Variants in GRID1 observed in about 807,000 individuals in gnomAD.
GRID1 encodes the protein glutamate receptor ionotropic, delta-1.
A neutral mutation model predicts 98.0 loss-of-function variants in GRID1; 28 were observed. That is an observed-to-expected ratio of 0.29 (90% CI 0.21 to 0.39). GRID1 has a LOEUF of 0.39. Ranked by LOEUF, GRID1 falls within the 10% of genes least tolerant of loss-of-function variation. The pLI, the probability that GRID1 is intolerant of heterozygous loss-of-function variation, is 1.00. For missense variants in GRID1, 1,111 were observed against 1,340.5 expected (o/e 0.83, Z 2.67); for synonymous variants, 553 against 538.5 (o/e 1.03, Z -0.37).
intron 4 of GRID1, among the ~76,000 whole-genome samples, chr10:86,032,314 A>G (rs1485742565): frequency 6.6e-6 from 1 of 152,190 alleles, no homozygotes; most frequent in African/African-American, 2.4e-5. Flanking sequence ...CTGCCACCCC[A>G]TCTGGGAGGT....
chr10:85,874,724 T>C (rs1452333671), intron 5 of GRID1, among the ~76,000 whole-genome samples: 2 of 152,254 alleles, frequency 1.3e-5, no homozygotes, highest in Admixed American at 6.5e-5. Flanking sequence ...GGTCAGTTTG[T>C]ACTACATGAA....
At chr10:86,280,603 C>G (rs953589255) in intron 2 of GRID1, among the ~76,000 whole-genome samples, 2 of 152,188 alleles carry the variant, frequency 1.3e-5, no homozygotes, top group East Asian at 3.8e-4. Context: ...CTCCTCCCTT[C>G]ATTTATTTTA....
At chr10:85,963,322 A>G (rs905028979) in intron 4 of GRID1, among the ~76,000 whole-genome samples, 3 of 152,088 alleles carry the variant, frequency 2.0e-5, no homozygotes, top group African/African-American at 7.2e-5. Flanking sequence ...CTCCACTGCC[A>G]CTACCTTACT....
intron 10 of GRID1, among the ~76,000 whole-genome samples, chr10:85,727,354 T>C (rs1841771545): frequency 6.6e-6 from 1 of 152,170 alleles, no homozygotes; most frequent in African/African-American, 2.4e-5. Context: ...GCCACGAGTT[T>C]CAATGAAGAT....
chr10:85,644,483 G>A (rs944130940), intron 13 of GRID1, among the ~76,000 whole-genome samples: 41 of 152,108 alleles, frequency 2.7e-4, no homozygotes, highest in African/African-American at 9.7e-4. Context: ...CCTTCTATTA[G>A]TTGACCCGTA....
intron 12 of GRID1, among the ~76,000 whole-genome samples, chr10:85,654,184 G>A (rs1840866706): frequency 6.6e-6 from 1 of 152,184 alleles, no homozygotes; most frequent in South Asian, 2.1e-4. Flanking sequence ...GGCCAGCTGA[G>A]GTGTCCTCCC....
chr10:86,205,306 G>T (rs955314487), intron 3 of GRID1, among the ~76,000 whole-genome samples: 2 of 152,158 alleles, frequency 1.3e-5, no homozygotes, highest in Admixed American at 6.5e-5. Context: ...CCAGCCGTGG[G>T]GCTGCCAACC....
intron 8 of GRID1, among the ~76,000 whole-genome samples, chr10:85,783,930 T>C (rs1590230425): frequency 1.3e-5 from 2 of 152,184 alleles, no homozygotes; most frequent in Non-Finnish European, 2.9e-5. Flanking sequence ...GTGGGGGTTA[T>C]TGGTTAGTTG....
intron 5 of GRID1, among the ~76,000 whole-genome samples, chr10:85,897,328 A>C (rs1381627223): frequency 6.6e-6 from 1 of 152,210 alleles, no homozygotes; most frequent in Non-Finnish European, 1.5e-5. Context: ...TCTTTCAAAA[A>C]ATAGGCAAAC....
At chr10:86,151,079 C>T (rs1845162164) in intron 3 of GRID1, among the ~76,000 whole-genome samples, 1 of 152,156 alleles carries the variant, frequency 6.6e-6, no homozygotes, top group African/African-American at 2.4e-5. Context: ...CCCCATGACA[C>T]CCTCATGTCT....
chr10:85,695,526 G>A (rs752968689), intron 12 of GRID1, among the ~76,000 whole-genome samples: 15 of 152,134 alleles, frequency 9.9e-5, no homozygotes, highest in Non-Finnish European at 2.1e-4. Flanking sequence ...GAATCTCACT[G>A]TTCAAAGTGA....
At chr10:86,214,840 T>C (rs1227080386) in intron 2 of GRID1, among the ~76,000 whole-genome samples, 1 of 152,118 alleles carries the variant, frequency 6.6e-6, no homozygotes, top group Non-Finnish European at 1.5e-5. Flanking sequence ...CTGCACTTCA[T>C]CCTGGGCTAC....
intron 4 of GRID1, among the ~76,000 whole-genome samples, chr10:85,987,847 T>A (rs1004466339): frequency 2.0e-5 from 3 of 151,842 alleles, no homozygotes; most frequent in Non-Finnish European, 4.4e-5. Flanking sequence ...CATCTTCACA[T>A]CCTCACCTTT....
chr10:86,106,779 G>A (rs1212323180), intron 4 of GRID1, among the ~76,000 whole-genome samples: 1 of 152,146 alleles, frequency 6.6e-6, no homozygotes, highest in African/African-American at 2.4e-5. Context: ...GGACTGCATG[G>A]CCGCTGGCAA....
At chr10:86,294,257 C>T (rs563541320) in intron 2 of GRID1, among the ~76,000 whole-genome samples, 3 of 152,240 alleles carry the variant, frequency 2.0e-5, no homozygotes, top group Admixed American at 2.0e-4. Flanking sequence ...GGCAGTGAGC[C>T]CTGAGGCCTG....
At chr10:86,065,763 G>T (rs766825280) in intron 4 of GRID1, among the ~76,000 whole-genome samples, 1 of 152,226 alleles carries the variant, frequency 6.6e-6, no homozygotes, top group Non-Finnish European at 1.5e-5. Context: ...TGACAAGGAT[G>T]GTGACAATCA....
intron 3 of GRID1, among the ~76,000 whole-genome samples, chr10:86,181,651 G>A (rs1845657247): frequency 1.3e-5 from 2 of 152,062 alleles, no homozygotes; most frequent in Non-Finnish European, 1.5e-5. Context: ...ACTTTCCCTA[G>A]AGAAAAAAAC....
chr10:85,664,083 T>C (rs1840994595), intron 12 of GRID1, among the ~76,000 whole-genome samples: 1 of 152,166 alleles, frequency 6.6e-6, no homozygotes, highest in African/African-American at 2.4e-5. Context: ...TCAATGTTGA[T>C]GTGCAGCAGA....
chr10:86,359,652 C>A (rs984243271), intron 2 of GRID1, among the ~76,000 whole-genome samples: 1 of 152,194 alleles, frequency 6.6e-6, no homozygotes, highest in African/African-American at 2.4e-5. Flanking sequence ...CACACTGCGA[C>A]AGGTATATCT....
Sources: allele counts gnomAD v4.1 joint callset (sites outside exome capture counted in the v4.1 genomes callset), GRCh38; gene constraint gnomAD v4.1.1; transcripts MANE v1.5; gene names NCBI Gene and HGNC (gene_info 2026-07-23, HGNC 2026-07-21).